Variants in C4orf50 observed in about 807,000 individuals in gnomAD.
C4orf50 encodes the protein chromosome 4 open reading frame 50, also known as uncharacterized protein C4orf50.
In C4orf50, 80 loss-of-function variants were observed where a neutral mutation model predicts 77.2. The observed-to-expected ratio is 1.04, with a 90% confidence interval of 0.87 to 1.25. C4orf50 has a LOEUF of 1.25. Among genes scored for constraint, C4orf50 ranks in the 50% most tolerant of loss-of-function variants. The probability of loss-of-function intolerance (pLI) is 0.00; values close to 1 mark genes in which losing one functional copy is unlikely to be tolerated. For synonymous variants in C4orf50, 532 were observed against 465.3 expected, an observed-to-expected ratio of 1.14 and a Z score of -1.84; for missense variants, 1,257 against 1,152.9, an observed-to-expected ratio of 1.09 and a Z score of -1.31.
rs527946542 is a variant in C4orf50, at chr4:5,918,340, T to C, written c.*2475-20152A>G. Reference sequence around the variant, plus strand: ...GGAGGGCCTCGCTCAAGGCTCTGCATCTGTTACAGAAAGCAGTGCTGCTGG... The same window carrying C: ...GGAGGGCCTCGCTCAAGGCTCTGCACCTGTTACAGAAAGCAGTGCTGCTGG... On this transcript the variant is annotated intron_variant, in intron 7 of 7. Coordinates refer to the C4orf50 transcript ENST00000324058. Among the ~76,000 whole-genome samples, 4 of 152,340 alleles carry C rather than the reference T, an allele frequency of 2.6e-5. No individual in the cohort carries two copies. The South Asian group carries it at 8.3e-4, about 32-fold the overall frequency.
intron 7 of C4orf50, among the ~76,000 whole-genome samples, chr4:5,922,188 A>G (rs1447465111): frequency 6.6e-6 from 1 of 152,198 alleles, no homozygotes; most frequent in African/African-American, 2.4e-5. Context: ...CATGCAGGGA[A>G]AGCTAATCCC....
In C4orf50 at chr4:5,967,471, A is replaced by G; in HGVS notation, c.4105-9T>C. On this transcript the variant is annotated splice_polypyrimidine_tract_variant and intron_variant, in intron 31 of 33. Transcript: ENST00000531445. ...TCCAGGTGGTGGCTTGTCTGCAAGA[A>G]AAGACATCTTGGCGGTTATTCTGCA... is the stretch of plus-strand genomic sequence containing the variant. 3 of 1,613,632 alleles carry G rather than the reference A, an allele frequency of 1.9e-6. No homozygotes were observed. The highest frequency in any genetic ancestry group is 2.5e-6 in the Non-Finnish European group (3 of 1,179,554).
chr4:5,975,650 C>A (rs113473514), intron 30 of C4orf50, among the ~76,000 whole-genome samples: 1 of 152,114 alleles, frequency 6.6e-6, no homozygotes, highest in East Asian at 1.9e-4. Context: ...GTAACTGGGA[C>A]TATAGACGCA....
At chr4:5,935,784 T>TAAAAAA (rs769910855) in intron 7 of C4orf50, among the ~76,000 whole-genome samples, 463 of 31,414 alleles carry the variant, frequency 0.015, 50 homozygotes, top group African/African-American at 0.034. Flanking sequence ...AGACTCCGTC[T>TAAAAAA]AAAAAAAAAA....
At chr4:6,004,155 G>GT (rs1722057903) in intron 25 of C4orf50, among the ~76,000 whole-genome samples, 2 of 106,808 alleles carry the variant, frequency 1.9e-5, no homozygotes, top group East Asian at 2.6e-4. Context: ...GATGGTGATG[G>GT]TGATGATAGT....
chr4:5,929,234 C>T (rs1292310352), intron 7 of C4orf50, among the ~76,000 whole-genome samples: 1 of 152,206 alleles, frequency 6.6e-6, no homozygotes, highest in Non-Finnish European at 1.5e-5. Flanking sequence ...AACCAAGAAC[C>T]CCCAGAGCGG....
chr4:5,975,290 T>C (rs13119765), intron 30 of C4orf50, among the ~76,000 whole-genome samples: 35,972 of 151,298 alleles, frequency 0.24, 4,459 homozygotes, highest in Middle Eastern at 0.27. Context: ...AGGCCTCTCG[T>C]GCTTCACCCC....
intron 28 of C4orf50, among the ~76,000 whole-genome samples, chr4:5,988,114 A>C (rs1305233188): frequency 6.6e-6 from 1 of 152,186 alleles, no homozygotes; most frequent in African/African-American, 2.4e-5. Context: ...GTGGGAACAG[A>C]GATCCCGGGA....
intron 26 of C4orf50, among the ~76,000 whole-genome samples, chr4:5,993,425 G>T (rs1296854952): frequency 6.6e-6 from 1 of 152,230 alleles, no homozygotes; most frequent in Non-Finnish European, 1.5e-5. Flanking sequence ...CTTGAGGTTG[G>T]AGGGCTGGAA....
chr4:5,935,986 A>T (rs532388339), intron 7 of C4orf50, among the ~76,000 whole-genome samples: 38 of 152,224 alleles, frequency 2.5e-4, no homozygotes, highest in African/African-American at 9.1e-4. Context: ...ACTAACTTGG[A>T]TACGGCACTT....
intron 7 of C4orf50, chr4:5,898,306 G>A (rs1351718709): frequency 6.6e-6 from 1 of 152,212 alleles, no homozygotes; most frequent in African/African-American, 2.4e-5. Flanking sequence ...CCCCAACTCA[G>A]GTTGGTAGGA....
chr4:5,921,715 TAG>T (rs1363885700), intron 7 of C4orf50, among the ~76,000 whole-genome samples: 1 of 151,686 alleles, frequency 6.6e-6, no homozygotes, highest in Admixed American at 6.6e-5. Context: ...CATGCAAAGG[TAG>T]AGAGTTTGGA....
intron 25 of C4orf50, among the ~76,000 whole-genome samples, chr4:6,005,068 T>C (rs1156257666): frequency 6.6e-6 from 1 of 152,112 alleles, no homozygotes; most frequent in African/African-American, 2.4e-5. Context: ...GCATCTCCTC[T>C]GGTAGGAGGC....
intron 28 of C4orf50, among the ~76,000 whole-genome samples, chr4:5,980,680 C>T (rs1328141654): frequency 6.6e-6 from 1 of 152,072 alleles, no homozygotes; most frequent in Non-Finnish European, 1.5e-5. Context: ...GGAATATTAG[C>T]TTCAAAAATA....
chr4:5,984,602 C>G (rs1720763494), intron 28 of C4orf50, among the ~76,000 whole-genome samples: 1 of 152,132 alleles, frequency 6.6e-6, no homozygotes, highest in African/African-American at 2.4e-5. Context: ...ATAGATTTAA[C>G]AGAAGGTGGG....
rs1577986854 is a variant in C4orf50 at position 6,000,796 on chromosome 4, G to A, written c.964-6320C>T. On this transcript the variant is annotated intron_variant, in intron 25 of 33. Coordinates refer to ENST00000531445, the Ensembl canonical transcript of C4orf50. This position sits in a 1 kb window ranked among gnomAD's most constrained non-coding sequence, Gnocchi z 6.0. ...CCAGTATTTACTGAAGAAACAGGGC[G>A]TGCGACACAGCTATGGGATCAGCTC... Among the ~76,000 whole-genome samples, 1 of 152,146 alleles carries A rather than the reference G, an allele frequency of 6.6e-6. No individual in the cohort carries two copies. Among genetic ancestry groups the A allele is most frequent in the South Asian group, 2.1e-4 (1 of 4,820 alleles).
exon 28 of C4orf50, chr4:5,988,563 C>T: frequency 6.5e-7 from 1 of 1,536,918 alleles, no homozygotes; most frequent in Non-Finnish European, 8.7e-7. Flanking sequence ...GTCCTGTCTG[C>T]CCTGCAGCCA....
In C4orf50 at chr4:5,965,151, A is replaced by G; in HGVS notation, c.4154-6T>C. ...ATTCAAGAGGTATGTCTGAGCTGGA[A>G]GGGAAAATTCTCAGTCAAGCCTCCA... On this transcript the variant is annotated splice_polypyrimidine_tract_variant and splice_region_variant and intron_variant, in intron 32 of 33. Coordinates refer to ENST00000531445, the Ensembl canonical transcript of C4orf50. The G allele has an allele frequency of 1.2e-6, 2 of 1,611,278 alleles. No individual in the cohort carries two copies. The highest frequency in any genetic ancestry group is 1.7e-6 in the Non-Finnish European group (2 of 1,178,758).
intron 7 of C4orf50, among the ~76,000 whole-genome samples, chr4:5,918,897 G>A (rs1326213771): frequency 6.6e-6 from 1 of 151,160 alleles, no homozygotes; most frequent in Non-Finnish European, 1.5e-5. Context: ...GGGGACCCCA[G>A]CAATGCTATC....
Sources: allele counts gnomAD v4.1 joint callset (sites outside exome capture counted in the v4.1 genomes callset), GRCh38; gene constraint gnomAD v4.1.1; non-coding constraint Gnocchi (gnomAD v3.1); transcripts MANE v1.5; gene names NCBI Gene and HGNC (gene_info 2026-07-23, HGNC 2026-07-21).